Variants in SMUG1 observed in about 807,000 individuals in gnomAD.
The protein encoded by SMUG1 is single-strand-selective monofunctional uracil-DNA glycosylase 1.
SMUG1 carries 13 observed loss-of-function variants against 23.9 expected under a neutral mutation model. That is an observed-to-expected ratio of 0.54 (90% CI 0.35 to 0.86). The LOEUF (loss-of-function observed/expected upper bound fraction) is 0.86, where lower values mean the gene tolerates loss of function less well. SMUG1 is among the 40% of genes least tolerant of loss of function. The probability of loss-of-function intolerance (pLI) is 0.01; values close to 1 mark genes in which losing one functional copy is unlikely to be tolerated. For missense variants in SMUG1, 313 were observed against 339.5 expected, an observed-to-expected ratio of 0.92 and a Z score of 0.61; for synonymous variants, 133 against 139.8, an observed-to-expected ratio of 0.95 and a Z score of 0.34.
At chr12:54,161,022 G>A (rs1565796751), downstream of SMUG1, among the ~76,000 whole-genome samples, 1 of 152,008 alleles carries the variant, frequency 6.6e-6, no homozygotes, top group East Asian at 1.9e-4. This position sits in a 1 kb window ranked among gnomAD's most constrained non-coding sequence, Gnocchi z 4.2. Flanking sequence ...TTATATTAAC[G>A]TGTCCTTAGA....
At position 54,181,551 on chromosome 12, in the gene SMUG1, C is replaced by T. The variant is rs1043085728; in HGVS notation, c.*545G>A. ...TGGGATGAAAAGCCAGGTCTTCTGACTTGCACTCTGTCACACTGGATTTTT... is the reference window on the plus strand; with the variant it reads ...TGGGATGAAAAGCCAGGTCTTCTGATTTGCACTCTGTCACACTGGATTTTT... On this transcript the variant is annotated 3_prime_UTR_variant, in exon 4 of 4. Coordinates refer to ENST00000682136, the MANE Select transcript of SMUG1 (RefSeq NM_001243787.2). The T allele has an allele frequency of 6.5e-7, 1 of 1,545,224 alleles. No homozygotes were observed. Among genetic ancestry groups the T allele is most frequent in the African/African-American group, 1.4e-5 (1 of 73,660 alleles).
downstream of SMUG1, among the ~76,000 whole-genome samples, chr12:54,160,358 C>T (rs941806464): frequency 2.0e-5 from 3 of 152,212 alleles, no homozygotes; most frequent in Admixed American, 6.5e-5. Context: ...GTGGCTGGGC[C>T]GTGCCAGAGT....
chr12:54,159,302 C>T (rs1940155507), intron 4 of SMUG1, among the ~76,000 whole-genome samples: 1 of 152,238 alleles, frequency 6.6e-6, no homozygotes, highest in Non-Finnish European at 1.5e-5. Context: ...CTGCATCCAT[C>T]ATCCAAGCAG....
rs972239675 is a variant in SMUG1 at position 54,181,711 on chromosome 12, A to G, written c.*385T>C. ...AAGGATGGGTAGGTATCCTGGCAAG[A>G]TATTTCCTCTGAAATAGTAAACGTG... On this transcript the variant is annotated 3_prime_UTR_variant, in exon 4 of 4. Transcript: ENST00000682136. 19 of 1,548,668 alleles carry G rather than the reference A, an allele frequency of 1.2e-5. No homozygotes were observed. In the South Asian group the frequency reaches 1.4e-4, roughly 12 times the overall value.
chr12:54,163,789 G>C (rs1940349783), downstream of SMUG1, among the ~76,000 whole-genome samples: 4 of 152,206 alleles, frequency 2.6e-5, no homozygotes, highest in African/African-American at 9.7e-5. Context: ...TCTGTAAAAT[G>C]GGGATAATAA....
intron 4 of SMUG1, chr12:54,165,122 C>T (rs1391770627): frequency 6.6e-6 from 1 of 152,152 alleles, no homozygotes; most frequent in Non-Finnish European, 1.5e-5. Flanking sequence ...TTCTCATGTC[C>T]TCCCTTAATT....
intron 3 of SMUG1, chr12:54,183,363 G>C (rs3136386): frequency 0.048 from 26,654 of 556,690 alleles, 926 homozygotes; most frequent in African/African-American, 0.11. Context: ...TCAGGGACAG[G>C]GGAGATCCAG....
intron 3 of SMUG1, chr12:54,183,364 G>C (rs565741307): frequency 1.8e-6 from 1 of 557,308 alleles, no homozygotes; most frequent in Non-Finnish European, 3.2e-6. Context: ...CAGGGACAGG[G>C]GAGATCCAGT....
At chr12:54,173,567 G>A (rs1280106851) in intron 2 of SMUG1, among the ~76,000 whole-genome samples, 1 of 152,196 alleles carries the variant, frequency 6.6e-6, no homozygotes, top group African/African-American at 2.4e-5. Flanking sequence ...GCCCGCCGCC[G>A]AGCCCGCTCC....
intron 1 of SMUG1, among the ~76,000 whole-genome samples, chr12:54,188,285 T>TA (rs1265045409): frequency 3.3e-5 from 1 of 29,984 alleles, no homozygotes; most frequent in Non-Finnish European, 7.6e-5. Context: ...ATAATAATAA[T>TA]AATAATAATA....
chr12:54,178,834 A>T (rs1940815043), downstream of SMUG1, among the ~76,000 whole-genome samples: 1 of 152,186 alleles, frequency 6.6e-6, no homozygotes, highest in Non-Finnish European at 1.5e-5. Flanking sequence ...GGGTATTAGC[A>T]GAAGAGATTA....
At chr12:54,165,671 G>GTAAA (rs1481900677) in intron 3 of SMUG1, among the ~76,000 whole-genome samples, 5 of 152,050 alleles carry the variant, frequency 3.3e-5, no homozygotes, top group East Asian at 3.9e-4. Flanking sequence ...GACACTGTTT[G>GTAAA]TAAATAAATA....
At chr12:54,169,301 A>C (rs1940557831) in intron 3 of SMUG1, among the ~76,000 whole-genome samples, 1 of 152,168 alleles carries the variant, frequency 6.6e-6, no homozygotes, top group Non-Finnish European at 1.5e-5. Context: ...CAAGATAAAC[A>C]GTGCATGGCT....
chr12:54,171,259 C>T (rs1226557974), intron 3 of SMUG1, among the ~76,000 whole-genome samples: 1 of 151,540 alleles, frequency 6.6e-6, no homozygotes, highest in Non-Finnish European at 1.5e-5. Context: ...CTCGGCCTCC[C>T]AAAGTGCTGG....
At chr12:54,163,299 C>T (rs1940332709), downstream of SMUG1, 1 of 152,228 alleles carries the variant, frequency 6.6e-6, no homozygotes, top group Non-Finnish European at 1.5e-5. Flanking sequence ...GGGCTCAATC[C>T]TGGCTCTGCC....
chr12:54,167,831 C>T (rs1940520122), intron 3 of SMUG1, among the ~76,000 whole-genome samples: 1 of 152,194 alleles, frequency 6.6e-6, no homozygotes, highest in South Asian at 2.1e-4. Flanking sequence ...CTTATCAAAG[C>T]TCTCTCCATC....
intron 2 of SMUG1, among the ~76,000 whole-genome samples, chr12:54,184,992 C>T (rs75346279): frequency 6.6e-6 from 1 of 152,122 alleles, no homozygotes; most frequent in Non-Finnish European, 1.5e-5. Flanking sequence ...GGCGAAACCC[C>T]GTCTCTACTA....
At position 54,188,305 on chromosome 12, in the gene SMUG1, AATAAT is replaced by A. The variant is rs1943025181; in HGVS notation, c.-103-408_-103-404del. Among the ~76,000 whole-genome samples, 7 of 114,472 alleles carry A rather than the reference AATAAT, an allele frequency of 6.1e-5. No homozygotes were observed. The South Asian group carries it at 1.7e-3, about 28-fold the overall frequency. 75.1% of individuals were successfully genotyped at this position (114,472 alleles called of 152,430 possible). ...AATAATAATAATAATAAATAATAAT[AATAAT>A]AATAATAATAATAATAATAATAATA... On this transcript the variant is annotated intron_variant, in intron 1 of 3. Coordinates refer to ENST00000682136, the MANE Select transcript of SMUG1 (RefSeq NM_001243787.2).
At chr12:54,161,052 A>G (rs888987784), downstream of SMUG1, among the ~76,000 whole-genome samples, 2 of 152,138 alleles carry the variant, frequency 1.3e-5, no homozygotes, top group African/African-American at 4.8e-5. This position sits in a 1 kb window ranked among gnomAD's most constrained non-coding sequence, Gnocchi z 4.2. Context: ...ACGATGAAAG[A>G]GTCCCACCAG....
Sources: allele counts gnomAD v4.1 joint callset (sites outside exome capture counted in the v4.1 genomes callset), GRCh38; gene constraint gnomAD v4.1.1; non-coding constraint Gnocchi (gnomAD v3.1); transcripts MANE v1.5; gene names NCBI Gene and HGNC (gene_info 2026-07-23, HGNC 2026-07-21).